Variants in UTS2B observed in about 807,000 individuals in gnomAD.
UTS2B encodes urotensin-2B.
A neutral mutation model predicts 19.2 loss-of-function variants in UTS2B; 21 were observed. The ratio of observed to expected loss-of-function variants is 1.09; its 90% CI spans 0.78 to 1.58. The LOEUF (loss-of-function observed/expected upper bound fraction) is 1.58. UTS2B is among the 40% of genes most tolerant of loss of function. The pLI, the probability that UTS2B is intolerant of heterozygous loss-of-function variation, is 0.00. For synonymous variants in UTS2B, 57 were observed against 50.2 expected, an observed-to-expected ratio of 1.14 and a Z score of -0.58; for missense variants, 138 against 130.3, an observed-to-expected ratio of 1.06 and a Z score of -0.29.
intron 4 of UTS2B, among the ~76,000 whole-genome samples, chr3:191,301,690 C>G (rs922588708): frequency 1.3e-5 from 2 of 151,600 alleles, no homozygotes; most frequent in Non-Finnish European, 2.9e-5. Context: ...GGGGTTTCAC[C>G]GAGTTAGCCA....
intron 2 of UTS2B, among the ~76,000 whole-genome samples, chr3:191,322,453 A>G (rs965603678): frequency 1.3e-5 from 2 of 152,242 alleles, no homozygotes; most frequent in Non-Finnish European, 2.9e-5. Context: ...TGTTAGCAAC[A>G]TGGAAGTCAC....
At chr3:191,331,198 C>T (rs542920522), upstream of UTS2B, among the ~76,000 whole-genome samples, 2 of 152,022 alleles carry the variant, frequency 1.3e-5, no homozygotes. Flanking sequence ...GTGTGTAGTG[C>T]ATGGTGAGTA....
At chr3:191,314,350 G>C (rs9861203) in intron 3 of UTS2B, among the ~76,000 whole-genome samples, 115 of 152,064 alleles carry the variant, frequency 7.6e-4, no homozygotes, top group Non-Finnish European at 1.3e-3. Flanking sequence ...GTCAGCAGTC[G>C]TGCATTCTAT....
At chr3:191,304,740 T>G (rs1042954906) in intron 3 of UTS2B, among the ~76,000 whole-genome samples, 192 bp from the exon 4 acceptor site, 7 of 152,186 alleles carry the variant, frequency 4.6e-5, no homozygotes, top group African/African-American at 1.7e-4. Context: ...AAGTGTGTCA[T>G]GGGGTTTGTT....
intron 4 of UTS2B, among the ~76,000 whole-genome samples, chr3:191,297,701 G>A (rs947653674): frequency 2.6e-5 from 4 of 151,992 alleles, no homozygotes; most frequent in Admixed American, 2.6e-4. Context: ...CCTGTGGTGT[G>A]GATTAAAGGA....
intron 6 of UTS2B, among the ~76,000 whole-genome samples, chr3:191,277,407 TAC>T (rs1268254619): frequency 4.6e-5 from 7 of 152,132 alleles, no homozygotes; most frequent in African/African-American, 1.7e-4. Flanking sequence ...GTTCTATGAA[TAC>T]AGACATGTTT....
chr3:191,305,102 T>A (rs1717102335), intron 3 of UTS2B, among the ~76,000 whole-genome samples: 1 of 152,222 alleles, frequency 6.6e-6, no homozygotes, highest in African/African-American at 2.4e-5. Context: ...ATGTCTTTGC[T>A]ACTGTGAATA....
At chr3:191,326,774 C>G (rs1351225551) in intron 2 of UTS2B, among the ~76,000 whole-genome samples, 1 of 152,232 alleles carries the variant, frequency 6.6e-6, no homozygotes, top group Non-Finnish European at 1.5e-5. Flanking sequence ...GTGTTACTGT[C>G]AGTCCTTTGC....
intron 4 of UTS2B, 101 bp downstream of exon 4, chr3:191,304,391 T>C (rs1457928271): frequency 6.6e-6 from 1 of 152,222 alleles, no homozygotes; most frequent in Admixed American, 6.5e-5. Flanking sequence ...ATCATCCCAG[T>C]TCGCTAGAGA....
chr3:191,300,621 T>C (rs11711123), intron 4 of UTS2B, among the ~76,000 whole-genome samples: 52,361 of 152,020 alleles, frequency 0.34, 9,450 homozygotes, highest in East Asian at 0.5. Context: ...CAGAATGACA[T>C]GGTTTGGTTC....
chr3:191,320,313 G>A (rs1460518008), intron 2 of UTS2B, among the ~76,000 whole-genome samples: 1 of 152,204 alleles, frequency 6.6e-6, no homozygotes, highest in Non-Finnish European at 1.5e-5. Flanking sequence ...GACCAGTTAA[G>A]TGAAAAGGCC....
At chr3:191,341,682 G>A in the UTS2B span, among the ~76,000 whole-genome samples, 8 of 152,238 alleles carry the variant, frequency 5.3e-5, no homozygotes, top group African/African-American at 1.9e-4. Context: ...GAGTTCACAT[G>A]TAACTGAAGT....
At chr3:191,281,814 C>T (rs979823906) in intron 5 of UTS2B, among the ~76,000 whole-genome samples, 1 of 151,136 alleles carries the variant, frequency 6.6e-6, no homozygotes, top group African/African-American at 2.4e-5. Flanking sequence ...GAAACAAGTG[C>T]CCCAATATTT....
intron 3 of UTS2B, among the ~76,000 whole-genome samples, chr3:191,309,964 C>CT (rs1386834527): frequency 1.3e-5 from 2 of 150,130 alleles, no homozygotes; most frequent in South Asian, 4.2e-4. Context: ...TCCTTTCTTT[C>CT]TTTTTTTTCT....
chr3:191,321,251 G>T lies in UTS2B; in HGVS notation c.-585-4812C>A, dbSNP rs1033277841. Among the ~76,000 whole-genome samples the T allele has an allele frequency of 4.6e-5, 7 of 152,304 alleles. No individual in the cohort carries two copies. The East Asian group carries it at 1.2e-3, about 25-fold the overall frequency. ...ATGTACAGTACAGTGGCAGTCAGTT[G>T]CCTAGCTAGGAATTCAAACTGCAGG... On this transcript the variant is annotated intron_variant, in intron 2 of 8. Coordinates refer to ENST00000340524, the MANE Select transcript of UTS2B (RefSeq NM_198152.5).
At chr3:191,321,922 G>A (rs997472368) in intron 2 of UTS2B, among the ~76,000 whole-genome samples, 10 of 152,140 alleles carry the variant, frequency 6.6e-5, no homozygotes, top group Admixed American at 5.9e-4. Context: ...AGCTATTCGG[G>A]AGGCTGAGGC....
upstream of UTS2B, among the ~76,000 whole-genome samples, chr3:191,333,468 C>T (rs1482966166): frequency 6.6e-6 from 1 of 152,144 alleles, no homozygotes; most frequent in Non-Finnish European, 1.5e-5. Context: ...ATGGCAGTGT[C>T]CATGAGATGT....
chr3:191,316,848 C>A (rs902720288), intron 2 of UTS2B, among the ~76,000 whole-genome samples: 1 of 152,228 alleles, frequency 6.6e-6, no homozygotes, highest in Non-Finnish European at 1.5e-5. Flanking sequence ...ATCCACAAAC[C>A]CCCAGCTAGA....
At chr3:191,293,888 C>A (rs1716782948) in intron 4 of UTS2B, among the ~76,000 whole-genome samples, 1 of 151,730 alleles carries the variant, frequency 6.6e-6, no homozygotes, top group Non-Finnish European at 1.5e-5. Context: ...CGGGGCGGAT[C>A]TCCTGAGGTC....
Sources: gnomAD v4.1 joint callset for allele counts (sites outside exome capture counted in the v4.1 genomes callset) on GRCh38, gnomAD v4.1.1 for gene constraint, MANE v1.5 for transcripts, NCBI Gene and HGNC (gene_info 2026-07-23, HGNC 2026-07-21) for gene names.